LRRN2: variants seen among roughly 807,000 people sequenced by gnomAD.
The protein encoded by LRRN2 is leucine-rich repeat neuronal protein 2.
LRRN2 carries 10 observed loss-of-function variants against 35.7 expected under a neutral mutation model. That is an observed-to-expected ratio of 0.28 (90% CI 0.17 to 0.47). LRRN2 has a LOEUF of 0.47. Ranked by LOEUF, LRRN2 falls within the 20% of genes least tolerant of loss-of-function variation. LRRN2 has a pLI of 0.99. For synonymous variants in LRRN2, 391 were observed against 409.6 expected (o/e 0.95, Z 0.55); for missense variants, 731 against 940.3 (o/e 0.78, Z 2.91).
intron 1 of LRRN2, among the ~76,000 whole-genome samples, chr1:204,625,384 C>T (rs747255653): frequency 4.6e-5 from 7 of 152,116 alleles, no homozygotes; most frequent in Non-Finnish European, 7.4e-5. Flanking sequence ...AAAGTAATTG[C>T]GGTTTTGGCC....
intron 1 of LRRN2, among the ~76,000 whole-genome samples, chr1:204,675,638 A>C (rs1042423590): frequency 1.3e-5 from 2 of 152,202 alleles, no homozygotes; most frequent in Non-Finnish European, 2.9e-5. Flanking sequence ...CCACCCAGAT[A>C]ATCCAGGATA....
intron 1 of LRRN2, among the ~76,000 whole-genome samples, chr1:204,638,442 C>T (rs956183144): frequency 4.3e-5 from 4 of 93,466 alleles, no homozygotes; most frequent in African/African-American, 1.5e-4. Context: ...GACGGAGTCT[C>T]GCTCTGTCGC....
At chr1:204,659,253 T>G (rs964639389) in intron 1 of LRRN2, among the ~76,000 whole-genome samples, 1 of 152,244 alleles carries the variant, frequency 6.6e-6, no homozygotes. Flanking sequence ...TCTGTCACTA[T>G]GGAAACTAGT....
At chr1:204,640,593 CT>C (rs1223363608) in intron 1 of LRRN2, among the ~76,000 whole-genome samples, 1 of 152,152 alleles carries the variant, frequency 6.6e-6, no homozygotes, top group Non-Finnish European at 1.5e-5. Flanking sequence ...TTCCCCACCT[CT>C]TTTCTTGACT....
intron 1 of LRRN2, among the ~76,000 whole-genome samples, chr1:204,637,355 G>A (rs1667860024): frequency 6.6e-6 from 1 of 152,208 alleles, no homozygotes; most frequent in Non-Finnish European, 1.5e-5. Context: ...CCCTTCTCAA[G>A]CCAGGGCACA....
Position 204,618,732 on chromosome 1 carries a change from A to G in LRRN2, c.1261T>C (p.Leu421=). The change falls in exon 2 of 2, where the codon TTG becomes CTG. Residue 421 remains leucine (L), a synonymous_variant. Coordinates refer to ENST00000367177, the MANE Select transcript of LRRN2 (RefSeq NM_201630.2). The part of the protein sequence containing the change: ...VPFREMTDHC[L]PLISPRSFPP... ...AAGCTTCGTGGGGAGATGAGGGGCA[A>G]ACAGTGGTCCGTCATCTCCCGGAAG... is the stretch of plus-strand genomic sequence containing the variant. 6.2e-7 allele frequency: 1 copy of G among 1,607,610 alleles called. No homozygotes were observed.
At chr1:204,635,418 A>G (rs1233823387) in intron 1 of LRRN2, among the ~76,000 whole-genome samples, 1 of 152,150 alleles carries the variant, frequency 6.6e-6, no homozygotes, top group Non-Finnish European at 1.5e-5. Flanking sequence ...AGAGGGTGTC[A>G]TCCTAGCTCA....
chr1:204,648,165 A>T (rs1223987820), intron 1 of LRRN2, among the ~76,000 whole-genome samples: 1 of 152,138 alleles, frequency 6.6e-6, no homozygotes, highest in Non-Finnish European at 1.5e-5. Flanking sequence ...GGGTTGGAAC[A>T]GGATGGGCTG....
intron 1 of LRRN2, among the ~76,000 whole-genome samples, chr1:204,677,280 A>G (rs935585113): frequency 1.3e-5 from 2 of 152,184 alleles, no homozygotes; most frequent in Admixed American, 1.3e-4. Flanking sequence ...GTGCTGGGGT[A>G]CAGCGGGTGT....
chr1:204,670,769 A>G (rs1303777090), intron 1 of LRRN2, among the ~76,000 whole-genome samples: 1 of 152,198 alleles, frequency 6.6e-6, no homozygotes, highest in Non-Finnish European at 1.5e-5. Context: ...AGAACTAAAA[A>G]ATGTTCCCTG....
chr1:204,631,322 T>C lies in LRRN2; in HGVS notation c.-226-11104A>G, dbSNP rs191193517. On this transcript the variant is annotated intron_variant, in intron 1 of 1. Coordinates refer to ENST00000367177, the MANE Select transcript of LRRN2 (RefSeq NM_201630.2). ...TATATATGAAGAGCTGCTTATACCC[T>C]GACAGATTAGGTTGGGTTTTCAAGA... Among the ~76,000 whole-genome samples, 282 of 105,250 alleles carry C rather than the reference T, an allele frequency of 2.7e-3. 3 individuals are homozygous for C. Among genetic ancestry groups the C allele is most frequent in the African/African-American group, 9.8e-3 (269 of 27,450 alleles). The allele number at this position is 105,250 out of a possible 152,430, so 69.0% of individuals were successfully genotyped here.
chr1:204,682,920 C>G (rs1292451342), intron 1 of LRRN2: 1 of 152,228 alleles, frequency 6.6e-6, no homozygotes, highest in Non-Finnish European at 1.5e-5. Flanking sequence ...GGGAACAGAG[C>G]TAATCAGCTG....
chr1:204,620,564 C>T lies in LRRN2; in HGVS notation c.-226-346G>A, dbSNP rs116165594. ...TGCTGGGATTACAGGTGTGAGTCAC[C>T]GTGCCTGGCCCCTCCCATGTTTTTT... is the stretch of plus-strand genomic sequence containing the variant. On this transcript the variant is annotated intron_variant, in intron 1 of 1. Transcript: ENST00000367177. The T allele has an allele frequency of 4.4e-3, 762 of 171,944 alleles. 14 individuals carry two copies. Among genetic ancestry groups the T allele is most frequent in the African/African-American group, 0.017 (726 of 41,584 alleles). The allele number at this position is 171,944 out of a possible 1,614,324, so 10.7% of individuals were successfully genotyped here.
At chr1:204,652,097 G>A (rs1571663347) in intron 1 of LRRN2, among the ~76,000 whole-genome samples, 2 of 152,378 alleles carry the variant, frequency 1.3e-5, no homozygotes, top group East Asian at 1.9e-4. Context: ...ACAATAGGAG[G>A]CTGGGAAGCA....
intron 1 of LRRN2, among the ~76,000 whole-genome samples, chr1:204,623,838 G>A (rs1667106733): frequency 6.6e-6 from 1 of 152,214 alleles, no homozygotes; most frequent in East Asian, 1.9e-4. Flanking sequence ...TGTAGCAGGT[G>A]CTTGAGAGTT....
intron 1 of LRRN2, among the ~76,000 whole-genome samples, chr1:204,670,484 A>G (rs1354065623): frequency 6.6e-6 from 1 of 152,204 alleles, no homozygotes; most frequent in Non-Finnish European, 1.5e-5. Context: ...TATGGGGCTC[A>G]GAAGAAAAGA....
Position 204,641,139 on chromosome 1 carries a change from T to C in LRRN2, c.-226-20921A>G, listed in dbSNP as rs188789586. Among the ~76,000 whole-genome samples, 184 of 152,266 alleles carry C rather than the reference T, an allele frequency of 1.2e-3. 1 individual carries two copies. Among genetic ancestry groups the C allele is most frequent in the African/African-American group, 4.1e-3 (171 of 41,566 alleles). On this transcript the variant is annotated intron_variant, in intron 1 of 1. Transcript: ENST00000367177. ...AAACCACAATCTTGCACAAAGACCA[T>C]TGAAACCTTACACAAAAAATATTTC...
intron 1 of LRRN2, chr1:204,620,916 G>A (rs7539399): frequency 0.71 from 119,379 of 166,970 alleles, 43,076 homozygotes; most frequent in East Asian, 0.88. Context: ...GTTTCCAGAA[G>A]TTCCTCTGGC....
chr1:204,670,657 G>A (rs1030653115), intron 1 of LRRN2, among the ~76,000 whole-genome samples: 24 of 151,894 alleles, frequency 1.6e-4, no homozygotes, highest in Non-Finnish European at 2.9e-4. Context: ...GGATGAGTCA[G>A]CAAAGACGAC....
Sources: allele counts gnomAD v4.1 joint callset (sites outside exome capture counted in the v4.1 genomes callset), GRCh38; gene constraint gnomAD v4.1.1; transcripts MANE v1.5; gene names NCBI Gene and HGNC (gene_info 2026-07-23, HGNC 2026-07-21).